The following LRP4 variants were observed in gnomAD, a reference collection of about 807,000 sequenced individuals.
LRP4 encodes the protein low-density lipoprotein receptor-related protein 4.
A neutral mutation model predicts 220.3 loss-of-function variants in LRP4; 95 were observed. That is an observed-to-expected ratio of 0.43 (90% CI 0.37 to 0.51). LRP4 has a LOEUF of 0.51. Among genes scored for constraint, LRP4 ranks in the 20% least tolerant of loss-of-function variants. LRP4 has a pLI of 0.00. For synonymous variants in LRP4, 903 were observed against 954.6 expected (o/e 0.95, Z 1.00); for missense variants, 1,925 against 2,567.0 (o/e 0.75, Z 5.40).
intron 22 of LRP4, among the ~76,000 whole-genome samples, chr11:46,878,636 G>A (rs1941075697): frequency 1.3e-5 from 2 of 152,148 alleles, no homozygotes; most frequent in African/African-American, 4.8e-5. Context: ...TGAGAGGAAA[G>A]TGTCTTGAGA....
chr11:46,877,092 C>A (rs1941039861), intron 23 of LRP4, 107 bp downstream of exon 23: 2 of 1,342,230 alleles, frequency 1.5e-6, no homozygotes, highest in Non-Finnish European at 1.1e-6. Context: ...GAATGGGGAA[C>A]AAACACCCTG....
chr11:46,898,353 G>A (rs993757384), intron 7 of LRP4, among the ~76,000 whole-genome samples: 1 of 152,158 alleles, frequency 6.6e-6, no homozygotes, highest in African/African-American at 2.4e-5. Context: ...ACCCAGCTAA[G>A]TTTTGTATTT....
intron 1 of LRP4, among the ~76,000 whole-genome samples, chr11:46,903,951 T>G (rs1238563985): frequency 6.6e-6 from 1 of 152,196 alleles, no homozygotes; most frequent in Non-Finnish European, 1.5e-5. Context: ...CCAAGTCCCA[T>G]GACCAGCTGC....
At position 46,868,476 on chromosome 11, in the gene LRP4, C is replaced by T. The variant is rs1940761824; in HGVS notation, c.4951+124G>A. On this transcript the variant is annotated intron_variant, in intron 33 of 37. Transcript: ENST00000378623. ...AAGCAGACTGCTACCAATCACTCCA[C>T]TAATAAGACCTTCTTTATGGGGATC... 3.8e-6 allele frequency: 3 copies of T among 791,360 alleles called. No individual in the cohort carries two copies. The Admixed American group carries it at 5.9e-5, about 15-fold the overall frequency. The allele number at this position is 791,360 out of a possible 1,614,324, so 49.0% of individuals were successfully genotyped here. A position where few individuals can be genotyped will look rare whatever the true frequency, so the allele number is the denominator to read the frequency against.
intron 30 of LRP4, among the ~76,000 whole-genome samples, chr11:46,872,775 T>A (rs571981184): frequency 1.1e-4 from 17 of 152,238 alleles, no homozygotes; most frequent in African/African-American, 3.9e-4. Context: ...CCTGAAGGGA[T>A]CAGGATTTGT....
At chr11:46,888,571 A>AAAAAAAAAAAAAAAAT (rs1941351814) in intron 16 of LRP4, among the ~76,000 whole-genome samples, 1 of 150,174 alleles carries the variant, frequency 6.7e-6, no homozygotes, top group Non-Finnish European at 1.5e-5. Flanking sequence ...AAAAAAAAAA[A>AAAAAAAAAAAAAAAAT]AAGAATGCAA....
Position 46,896,886 on chromosome 11 carries a change from T to C in LRP4, c.905A>G (p.Glu302Gly). The change falls in exon 8 of 38, where the codon GAG (glutamate) becomes GGG (glycine). Residue 302 changes from glutamate (E) to glycine (G), a missense_variant. Around this residue, in one of 3 missense-constraint regions of LRP4, gnomAD observed 412 missense variants for 505.4 expected, o/e 0.82. Coordinates refer to ENST00000378623, the MANE Select transcript of LRP4 (RefSeq NM_002334.4). ...EDDCADNSDE[E>G]NCENTGSPQC... ...GACACCACCTGTATTCTCACAGTTC[T>C]CTTCATCGCTGTTGTCTGCACAGTC... The C allele has an allele frequency of 6.2e-7, 1 of 1,614,216 alleles. No individual in the cohort carries two copies. The highest frequency in any genetic ancestry group is 8.5e-7 in the Non-Finnish European group (1 of 1,180,018).
At position 46,896,315 on chromosome 11, in the gene LRP4, C is replaced by G. The variant is rs1264995174; in HGVS notation, c.943G>C (p.Asp315His). Reference protein sequence around the residue: ...ENTGSPQCALDQFLCWNGRCI... With the variant: ...ENTGSPQCALHQFLCWNGRCI... Reference sequence around the variant, plus strand: ...CGCCCATTCCAACACAGGAACTGGTCCAAGGCACATTGGGGGCTTCCTAGA... The same window carrying G: ...CGCCCATTCCAACACAGGAACTGGTGCAAGGCACATTGGGGGCTTCCTAGA... Residue 315 changes from aspartate (D) to histidine (H), a missense_variant, in exon 9 of 38, where the codon GAC becomes CAC. Physicochemically the swap from Asp to His is moderately conservative, Grantham distance 81 (BLOSUM62 -1). Coordinates refer to ENST00000378623, the MANE Select transcript of LRP4 (RefSeq NM_002334.4). The G allele has an allele frequency of 6.2e-7, 1 of 1,614,066 alleles. No homozygotes were observed. Among genetic ancestry groups the G allele is most frequent in the South Asian group, 1.1e-5 (1 of 91,074 alleles).
rs758173644 is a variant in LRP4 at position 46,865,103 on chromosome 11, G to A, written c.5155+16C>T. Reference sequence around the variant, plus strand: ...TACATCTTCTTTTCCGGAACAGTGGGGTACTCAGGGCTTACCTGGAGCAGC... The same window carrying A: ...TACATCTTCTTTTCCGGAACAGTGGAGTACTCAGGGCTTACCTGGAGCAGC... On this transcript the variant is annotated intron_variant, in intron 35 of 37. Coordinates refer to ENST00000378623, the MANE Select transcript of LRP4 (RefSeq NM_002334.4). The A allele has an allele frequency of 5.8e-6, 9 of 1,556,600 alleles. No individual in the cohort carries two copies. In the Admixed American group the frequency reaches 1.7e-4, roughly 30 times the overall value.
At chr11:46,892,915 G>C in intron 13 of LRP4, 58 bp downstream of exon 13, 2 of 1,588,544 alleles carry the variant, frequency 1.3e-6, no homozygotes, top group Middle Eastern at 2.3e-4. Flanking sequence ...AGTCCAGGTA[G>C]CCTGGGAGCT....
In LRP4 at chr11:46,899,216, C is replaced by T. The variant is rs1172448932; in HGVS notation, c.547+171G>A. ...TCAGGTGGACCAAAGGAAGCCTTCC[C>T]TTCCCACCTGGGGAACTTGCTCCCT... is the stretch of plus-strand genomic sequence containing the variant. On this transcript the variant is annotated intron_variant, in intron 5 of 37. Transcript: ENST00000378623. The surrounding 1 kb of genome is among the most constrained non-coding windows in gnomAD (Gnocchi z 5.9). Among the ~76,000 whole-genome samples the T allele has an allele frequency of 6.6e-6, 1 of 152,226 alleles. No homozygotes were observed. Among genetic ancestry groups the T allele is most frequent in the East Asian group, 1.9e-4 (1 of 5,194 alleles).
chr11:46,896,106 A>G, intron 9 of LRP4, 88 bp from the exon 10 acceptor site: 3 of 1,611,256 alleles, frequency 1.9e-6, no homozygotes, highest in Non-Finnish European at 1.7e-6. Context: ...CACAAAGAAC[A>G]GCTCCCAAAG....
rs2306033 is a variant in LRP4 at position 46,875,895 on chromosome 11, G to A, written c.3608C>T (p.Ala1203Val). 0.16 allele frequency: 250,406 copies of A among 1,613,704 alleles called. 27,679 individuals carry two copies. Among genetic ancestry groups the A allele is most frequent in the East Asian group, 0.62 (27,624 of 44,824 alleles). ...TCCTAGGTTGTTGTTGATGAGCACC[G>A]CGCGGTCTGAGCCATCCATTCCGGA... The part of the protein sequence containing the change: ...ERSGMDGSDR[A>V]VLINNNLGWP... Residue 1203 changes from alanine (A) to valine (V), a missense_variant, in exon 26 of 38, where the codon GCG becomes GTG. This residue lies in a region of LRP4 where 1,244 missense variants were observed against 1,624.9 expected (regional missense o/e 0.77). Transcript: ENST00000378623. This position sits in a 1 kb window ranked among gnomAD's most constrained non-coding sequence, Gnocchi z 4.5.
At chr11:46,913,886 T>C (rs1209844064) in intron 1 of LRP4, among the ~76,000 whole-genome samples, 1 of 152,148 alleles carries the variant, frequency 6.6e-6, no homozygotes, top group Non-Finnish European at 1.5e-5. Context: ...GCTTCGGTTC[T>C]ATCACGTTTT....
At chr11:46,861,159 C>T (rs1415322776) in intron 37 of LRP4, among the ~76,000 whole-genome samples, 1 of 152,198 alleles carries the variant, frequency 6.6e-6, no homozygotes, top group African/African-American at 2.4e-5. Flanking sequence ...CCTAGAACTA[C>T]AAGCCATCCC....
intron 11 of LRP4, 75 bp downstream of exon 11, chr11:46,895,091 C>T: frequency 2.5e-6 from 4 of 1,597,008 alleles, no homozygotes; most frequent in Non-Finnish European, 1.7e-6. Context: ...TCTGCAAATC[C>T]CTGAGCACCA....
At chr11:46,889,879 C>T in intron 15 of LRP4, 65 bp downstream of exon 15, 1 of 1,568,208 alleles carries the variant, frequency 6.4e-7, no homozygotes, top group Non-Finnish European at 8.8e-7. Flanking sequence ...GGAAGGTTCT[C>T]AGAGGCACCA....
intron 31 of LRP4, among the ~76,000 whole-genome samples, chr11:46,871,235 T>C (rs1443287149): frequency 2.0e-5 from 3 of 152,148 alleles, no homozygotes; most frequent in East Asian, 1.9e-4. Flanking sequence ...ATAATCTCTA[T>C]AGTCAGGGCC....
chr11:46,895,413 G>T, intron 10 of LRP4, 122 bp from the exon 11 acceptor site: 1 of 1,403,106 alleles, frequency 7.1e-7, no homozygotes, highest in Non-Finnish European at 1.0e-6. Context: ...TGGGAAGGCT[G>T]TCTAAGAAAT....
Sources: allele counts gnomAD v4.1 joint callset (sites outside exome capture counted in the v4.1 genomes callset), GRCh38; gene constraint gnomAD v4.1.1; regional missense constraint gnomAD v4.1.1; non-coding constraint Gnocchi (gnomAD v3.1); transcripts MANE v1.5; gene names NCBI Gene and HGNC (gene_info 2026-07-23, HGNC 2026-07-21).